The following SLC7A10 variants were observed in gnomAD, a reference collection of about 807,000 sequenced individuals.
SLC7A10 encodes solute carrier family 7 member 10.
A neutral mutation model predicts 52.7 loss-of-function variants in SLC7A10; 30 were observed. The observed-to-expected ratio is 0.57, with a 90% CI of 0.43 to 0.77. The LOEUF (loss-of-function observed/expected upper bound fraction) is 0.77. Ranked by LOEUF, SLC7A10 falls within the 30% of genes least tolerant of loss-of-function variation. The pLI, the probability that SLC7A10 is intolerant of heterozygous loss-of-function variation, is 0.00. For missense variants in SLC7A10, 581 were observed against 698.5 expected (o/e 0.83, Z 1.90); for synonymous variants, 318 against 314.9 (o/e 1.01, Z -0.10).
rs550429964 is a variant in SLC7A10 at position 33,209,183 on chromosome 19, G to A, written c.1441+125C>T. 4.5e-5 allele frequency: 69 copies of A among 1,516,896 alleles called. 1 individual carries two copies. The Admixed American group carries it at 5.6e-4, about 12-fold the overall frequency. The allele number at this position is 1,516,896 out of a possible 1,614,324, so 94.0% of individuals were successfully genotyped here. Reference sequence around the variant, plus strand: ...ATCTTGGGAAGAGACATTTGGTGGCGGCTGGGCCCTGTGTTCCCACCTCAG... The same window carrying A: ...ATCTTGGGAAGAGACATTTGGTGGCAGCTGGGCCCTGTGTTCCCACCTCAG... On this transcript the variant is annotated intron_variant, in intron 10 of 10. Transcript: ENST00000253188.
Position 33,208,669 on chromosome 19 carries a change from GC to G in SLC7A10, c.*221del. 1 of 617,044 alleles carries G rather than the reference GC, an allele frequency of 1.6e-6. No homozygotes were observed. Among genetic ancestry groups the G allele is most frequent in the Admixed American group, 2.9e-5 (1 of 34,946 alleles). The allele number at this position is 617,044 out of a possible 1,614,324, so 38.2% of individuals were successfully genotyped here. A position where few individuals can be genotyped will look rare whatever the true frequency, so the allele number is the denominator to read the frequency against. ...GGACTCCCCATAGCACGAGCGAACA[GC>G]CAGCCCTGTTTATTTATAGGCCTTT... is the stretch of plus-strand genomic sequence containing the variant. On this transcript the variant is annotated 3_prime_UTR_variant, in exon 11 of 11. Transcript: ENST00000253188. The surrounding 1 kb of genome is among the most constrained non-coding windows in gnomAD (Gnocchi z 4.7).
In SLC7A10 at chr19:33,215,874, C is replaced by G. The variant is rs879875581; in HGVS notation, c.251G>C (p.Gly84Ala). ...GCAGAGGGAGCCCAGAGCCGTCACGCCCCCACCCAGGACCCAGACGAACAG... is the reference window on the plus strand; with the variant it reads ...GCAGAGGGAGCCCAGAGCCGTCACGGCCCCACCCAGGACCCAGACGAACAG... The part of the protein sequence containing the change: ...LALFVWVLGG[G>A]VTALGSLCYA... The change falls in exon 2 of 11, where the codon GGC becomes GCC. Residue 84 changes from glycine to alanine, a missense_variant. Coordinates refer to ENST00000253188, the MANE Select transcript of SLC7A10 (RefSeq NM_019849.3). 4 of 1,608,834 alleles carry G rather than the reference C, an allele frequency of 2.5e-6. No homozygotes were observed. The highest frequency in any genetic ancestry group is 1.1e-5 in the South Asian group (1 of 89,792).
chr19:33,212,066 T>G, intron 5 of SLC7A10: 1 of 623,584 alleles, frequency 1.6e-6, no homozygotes, highest in East Asian at 2.8e-5. Context: ...TCAGCCTTTC[T>G]GAGGCCCTGC....
chr19:33,213,905 TG>T, intron 2 of SLC7A10, among the ~76,000 whole-genome samples: 1 of 152,232 alleles, frequency 6.6e-6, no homozygotes, highest in Non-Finnish European at 1.5e-5. Flanking sequence ...GGTCTGCCCT[TG>T]GGGGTGGTCC....
rs556610732 is a variant in SLC7A10, at chr19:33,224,510, G to T, written c.151+1043C>A. On this transcript the variant is annotated intron_variant, in intron 1 of 10. Coordinates refer to ENST00000253188, the MANE Select transcript of SLC7A10 (RefSeq NM_019849.3). ...GAAGACCCTGGGTCTGCCCTACTGA[G>T]CCCCCAAACTTTCTCCATCTCCAGG... Among the ~76,000 whole-genome samples the T allele has an allele frequency of 3.9e-5, 6 of 152,256 alleles. No homozygotes were observed. In the South Asian group the frequency reaches 1.2e-3, roughly 32 times the overall value.
rs778561340 is a variant in SLC7A10 at position 33,208,785 on chromosome 19, T to C, written c.*106A>G. The C allele has an allele frequency of 1.5e-5, 22 of 1,504,506 alleles. No individual in the cohort carries two copies. The highest frequency in any genetic ancestry group is 1.1e-4 in the South Asian group (9 of 84,616). The allele number at this position is 1,504,506 out of a possible 1,614,324, so 93.2% of individuals were successfully genotyped here. A position where few individuals can be genotyped will look rare whatever the true frequency, so the allele number is the denominator to read the frequency against. On this transcript the variant is annotated 3_prime_UTR_variant, in exon 11 of 11. Coordinates refer to ENST00000253188, the MANE Select transcript of SLC7A10 (RefSeq NM_019849.3). This position sits in a 1 kb window ranked among gnomAD's most constrained non-coding sequence, Gnocchi z 4.7. ...AACAGGCTTCTGAGAGTCGTATCTT[T>C]TTTCTTTTTTTTCCAGAAAAAAACA...
At chr19:33,211,371 G>A (rs752807183) in intron 6 of SLC7A10, 43 bp from the exon 7 acceptor site, 1 of 1,613,458 alleles carries the variant, frequency 6.2e-7, no homozygotes. Flanking sequence ...GGCCGGGGCA[G>A]GGGCCTGGGC....
chr19:33,216,633 TC>T (rs1974691047), intron 1 of SLC7A10, among the ~76,000 whole-genome samples: 1 of 152,066 alleles, frequency 6.6e-6, no homozygotes, highest in Admixed American at 6.6e-5. Context: ...CTTTCTCTTT[TC>T]CCCTTCCCTT....
chr19:33,218,578 C>T (rs1568394042), intron 1 of SLC7A10, among the ~76,000 whole-genome samples: 1 of 150,714 alleles, frequency 6.6e-6, no homozygotes, highest in Non-Finnish European at 1.5e-5. Flanking sequence ...GGCTTGGGCA[C>T]GGAGGAGGGA....
intron 5 of SLC7A10, 53 bp from the exon 6 acceptor site, chr19:33,211,590 C>T (rs1212453406): frequency 4.7e-5 from 76 of 1,611,480 alleles, no homozygotes; most frequent in Non-Finnish European, 6.1e-5. Flanking sequence ...GTGCAGGACC[C>T]CCGAGACCCA....
intron 2 of SLC7A10, among the ~76,000 whole-genome samples, chr19:33,213,714 G>C (rs1974609810): frequency 6.6e-6 from 1 of 152,208 alleles, no homozygotes; most frequent in Admixed American, 6.5e-5. Context: ...GCTGAAGATG[G>C]GTGACTCTGA....
intron 2 of SLC7A10, among the ~76,000 whole-genome samples, chr19:33,214,545 C>T (rs937285918): frequency 5.9e-5 from 9 of 152,210 alleles, no homozygotes; most frequent in African/African-American, 7.2e-5. Flanking sequence ...CTCCAAGCCC[C>T]GGCACCTGCC....
intron 2 of SLC7A10, among the ~76,000 whole-genome samples, chr19:33,215,142 C>G (rs1974641288): frequency 6.6e-6 from 1 of 151,954 alleles, no homozygotes; most frequent in Non-Finnish European, 1.5e-5. Flanking sequence ...GTGGCGGGCG[C>G]CTATAATCCC....
At position 33,225,580 on chromosome 19, in the gene SLC7A10, G is replaced by A; in HGVS notation, c.124C>T (p.Leu42=). 1 of 1,596,500 alleles carries A rather than the reference G, an allele frequency of 6.3e-7. No individual in the cohort carries two copies. ...ERVALKKEIG[L]LSACTIIIGN... ...ATGATGATGGTGCAGGCGCTCAGCA[G>A]CCCGATCTCCTTCTTGAGCGCCACC... Residue 42 remains leucine (L), a synonymous_variant, in exon 1 of 11, where the codon CTG becomes TTG. Coordinates refer to ENST00000253188, the MANE Select transcript of SLC7A10 (RefSeq NM_019849.3).
At chr19:33,225,443 T>G in intron 1 of SLC7A10, 110 bp downstream of exon 1, 1 of 1,344,862 alleles carries the variant, frequency 7.4e-7, no homozygotes, top group Non-Finnish European at 1.0e-6. Flanking sequence ...GACTGCAGGT[T>G]CCCCAGGCAG....
At chr19:33,222,335 G>A (rs1342211659) in intron 1 of SLC7A10, among the ~76,000 whole-genome samples, 3 of 151,790 alleles carry the variant, frequency 2.0e-5, no homozygotes, top group African/African-American at 4.8e-5. Flanking sequence ...GGAGGTCGAG[G>A]CTGCAGTGAG....
At chr19:33,216,661 G>A (rs573279528) in intron 1 of SLC7A10, among the ~76,000 whole-genome samples, 9 of 147,382 alleles carry the variant, frequency 6.1e-5, no homozygotes, top group South Asian at 2.1e-4. Context: ...CCTTCCCTCC[G>A]CTTCCTGGAT....
In SLC7A10 at chr19:33,225,538, C is replaced by A. The variant is rs372342553; in HGVS notation, c.151+15G>T. The stretch of plus-strand genomic sequence containing the variant: ...CGGCCTCCGCCCGGCGCCCGCCCGC[C>A]TGGGTCCCGCTCACCGATGATGATG... On this transcript the variant is annotated intron_variant, in intron 1 of 10. Coordinates refer to ENST00000253188, the MANE Select transcript of SLC7A10 (RefSeq NM_019849.3). 6.5e-5 allele frequency: 104 copies of A among 1,595,814 alleles called. No individual in the cohort carries two copies. The highest frequency in any genetic ancestry group is 8.7e-5 in the Non-Finnish European group (103 of 1,179,072).
Position 33,210,602 on chromosome 19 carries a change from G to T in SLC7A10, c.1128C>A (p.Ala376=). The part of the protein sequence containing the change: ...PALLVCCGAT[A]VIMLVGDTYT... The stretch of plus-strand genomic sequence containing the variant: ...ACGTGTCGCCCACGAGCATGATGAC[G>T]GCTGTGGCCCCGCACTGGGAGAGGA... The change falls in exon 9 of 11, where the codon GCC becomes GCA. Residue 376 remains alanine (A), a synonymous_variant. Transcript: ENST00000253188. This position sits in a 1 kb window ranked among gnomAD's most constrained non-coding sequence, Gnocchi z 5.6. 3 of 1,611,694 alleles carry T rather than the reference G, an allele frequency of 1.9e-6. No individual in the cohort carries two copies. The highest frequency in any genetic ancestry group is 1.7e-6 in the Non-Finnish European group (2 of 1,179,938).
Sources: allele counts gnomAD v4.1 joint callset (sites outside exome capture counted in the v4.1 genomes callset), GRCh38; gene constraint gnomAD v4.1.1; non-coding constraint Gnocchi (gnomAD v3.1); transcripts MANE v1.5; gene names NCBI Gene and HGNC (gene_info 2026-07-23, HGNC 2026-07-21).